Variants in ATF2 observed in about 807,000 individuals in gnomAD.
ATF2 encodes the protein activating transcription factor 2.
In ATF2, 24 loss-of-function variants were observed where a neutral mutation model predicts 60.6. The ratio of observed to expected loss-of-function variants is 0.40; its 90% CI spans 0.29 to 0.56. The LOEUF (loss-of-function observed/expected upper bound fraction) is 0.56. ATF2 is among the 20% of genes least tolerant of loss of function. The probability of loss-of-function intolerance (pLI) is 0.54; values close to 1 mark genes in which losing one functional copy is unlikely to be tolerated. For missense variants in ATF2, 433 were observed against 607.7 expected (o/e 0.71, Z 3.02); for synonymous variants, 206 against 215.4 (o/e 0.96, Z 0.38).
Position 175,108,321 on chromosome 2 carries a change from T to TG in ATF2, c.828+3246dup, listed in dbSNP as rs537531915. On this transcript the variant is annotated intron_variant, in intron 10 of 13. Coordinates refer to ENST00000264110, the MANE Select transcript of ATF2 (RefSeq NM_001880.4). ...GCAGCCACCCCGTCCGGGAGGGAGG[T>TG]GGGGGGTCAACCCCCGCCCGGCCAG... Among the ~76,000 whole-genome samples the TG allele has an allele frequency of 2.3e-3, 338 of 144,978 alleles. 4 individuals are homozygous for TG. The highest frequency in any genetic ancestry group is 0.02 in the East Asian group (95 of 4,666).
chr2:175,098,712 G>A (rs1274938931), intron 10 of ATF2, among the ~76,000 whole-genome samples: 1 of 152,186 alleles, frequency 6.6e-6, no homozygotes, highest in East Asian at 1.9e-4. Flanking sequence ...AGGGGTGAGT[G>A]AGAGAAGAGC....
At chr2:175,152,384 C>G (rs1009131999) in intron 1 of ATF2, among the ~76,000 whole-genome samples, 2 of 152,156 alleles carry the variant, frequency 1.3e-5, no homozygotes, top group African/African-American at 4.8e-5. Flanking sequence ...GGTAAACTCA[C>G]ATACTCAGTC....
At chr2:175,141,362 G>C (rs1427441763) in intron 2 of ATF2, among the ~76,000 whole-genome samples, 1 of 151,658 alleles carries the variant, frequency 6.6e-6, no homozygotes, top group African/African-American at 2.4e-5. Context: ...TACTGGCAGG[G>C]GCTTAATAAA....
At chr2:175,078,526 C>T (rs3845744) in intron 13 of ATF2, among the ~76,000 whole-genome samples, 115,766 of 152,158 alleles carry the variant, frequency 0.76, 46,254 homozygotes, top group Non-Finnish European at 0.88. Context: ...CATGGTTTTC[C>T]CACGACTGAG....
At position 175,161,343 on chromosome 2, in the gene ATF2, T is replaced by C. The variant is rs558030954; in HGVS notation, c.-143+6707A>G. Among the ~76,000 whole-genome samples the C allele has an allele frequency of 3.3e-5, 5 of 152,338 alleles. No individual in the cohort carries two copies. The South Asian group carries it at 8.3e-4, about 25-fold the overall frequency. On this transcript the variant is annotated intron_variant, in intron 1 of 13. Coordinates refer to ENST00000264110, the MANE Select transcript of ATF2 (RefSeq NM_001880.4). Reference sequence around the variant, plus strand: ...GCCTGGAGGGCTAGGCTAGATTATTTCTGAATGAACTTCAATAATAATTCC... The same window carrying C: ...GCCTGGAGGGCTAGGCTAGATTATTCCTGAATGAACTTCAATAATAATTCC...
intron 4 of ATF2, 60 bp from the exon 5 acceptor site, chr2:175,121,600 G>A: frequency 7.8e-7 from 1 of 1,287,326 alleles, no homozygotes; most frequent in South Asian, 1.3e-5. Flanking sequence ...TAAGTAAAAT[G>A]ATTAGGAAAT....
intron 5 of ATF2, among the ~76,000 whole-genome samples, chr2:175,119,122 G>T (rs1696779449): frequency 6.6e-6 from 1 of 151,554 alleles, no homozygotes; most frequent in African/African-American, 2.4e-5. Context: ...TAGGTACTCA[G>T]TGTCCATGTA....
intron 12 of ATF2, chr2:175,092,753 A>G: frequency 2.6e-6 from 1 of 388,686 alleles, no homozygotes; most frequent in Non-Finnish European, 4.7e-6. Context: ...TAACAGTGAT[A>G]TTTTTAAATT....
chr2:175,140,004 C>A (rs1479434914), intron 2 of ATF2, among the ~76,000 whole-genome samples: 1 of 152,012 alleles, frequency 6.6e-6, no homozygotes, highest in East Asian at 1.9e-4. Context: ...GTGTAAAAAG[C>A]AGAATAATAT....
intron 11 of ATF2, 59 bp from the exon 12 acceptor site, chr2:175,093,326 G>A (rs1344798188): frequency 3.8e-5 from 58 of 1,521,826 alleles, no homozygotes; most frequent in Middle Eastern, 3.4e-4. Context: ...AATTAACATA[G>A]GCAGTAAAGG....
rs540119873 is a variant in ATF2 at position 175,094,372 on chromosome 2, C to A, written c.979-1105G>T. On this transcript the variant is annotated intron_variant, in intron 11 of 13. Transcript: ENST00000264110. ...TAACACCACTGCACGCCAGCCTGGGCAATACAGCGAGACTCAGTCTCAAAA... is the reference window on the plus strand; with the variant it reads ...TAACACCACTGCACGCCAGCCTGGGAAATACAGCGAGACTCAGTCTCAAAA... Among the ~76,000 whole-genome samples the A allele has an allele frequency of 1.3e-3, 152 of 114,304 alleles. No individual in the cohort carries two copies. The Middle Eastern group carries it at 0.03, about 22-fold the overall frequency. 75.0% of individuals were successfully genotyped at this position (114,304 alleles called of 152,430 possible).
chr2:175,144,396 TAGAC>T (rs1357947524), intron 2 of ATF2, among the ~76,000 whole-genome samples: 4 of 152,160 alleles, frequency 2.6e-5, no homozygotes, highest in Admixed American at 6.5e-5. Context: ...CTAGAGTTAT[TAGAC>T]AGGCTCATTA....
At chr2:175,085,809 C>T (rs927096018) in intron 12 of ATF2, among the ~76,000 whole-genome samples, 3 of 152,036 alleles carry the variant, frequency 2.0e-5, no homozygotes, top group Non-Finnish European at 4.4e-5. Flanking sequence ...CTTGCTACAA[C>T]GTATATTTGT....
chr2:175,136,022 T>A (rs1020714056), intron 3 of ATF2, among the ~76,000 whole-genome samples: 1 of 150,436 alleles, frequency 6.6e-6, no homozygotes, highest in Admixed American at 6.6e-5. Context: ...TTTGTTTTTT[T>A]TTTTTTTTTT....
Position 175,102,575 on chromosome 2 carries a change from C to G in ATF2, c.829-4982G>C, listed in dbSNP as rs148261921. ...CTTGAGCCCAGGAGTTCCACACCAG[C>G]CTGGGCAATATGGTAAAACTCCATT... On this transcript the variant is annotated intron_variant, in intron 10 of 13. Coordinates refer to ENST00000264110, the MANE Select transcript of ATF2 (RefSeq NM_001880.4). Among the ~76,000 whole-genome samples the G allele has an allele frequency of 2.3e-3, 355 of 152,120 alleles. 2 individuals are homozygous for G. Among genetic ancestry groups the G allele is most frequent in the Middle Eastern group, 0.02 (6 of 294 alleles).
In ATF2 at chr2:175,114,907, A is replaced by G. The variant is rs1574406048; in HGVS notation, c.448-39T>C. 3 of 1,593,840 alleles carry G rather than the reference A, an allele frequency of 1.9e-6. No individual in the cohort carries two copies. The East Asian group carries it at 6.7e-5, about 36-fold the overall frequency. ...AGATAAAAAAGGGTGGCATTTAAAA[A>G]TACAAATCATGTACCTTAGTGAACA... On this transcript the variant is annotated intron_variant, in intron 7 of 13. Coordinates refer to ENST00000264110, the MANE Select transcript of ATF2 (RefSeq NM_001880.4).
In ATF2 at chr2:175,114,426, A is replaced by G. The variant is rs532505988; in HGVS notation, c.626+264T>C. 7.0e-5 allele frequency: 87 copies of G among 1,243,476 alleles called. No homozygotes were observed. The African/African-American group carries it at 1.2e-3, about 17-fold the overall frequency. 77.0% of individuals were successfully genotyped at this position (1,243,476 alleles called of 1,614,324 possible). On this transcript the variant is annotated intron_variant, in intron 8 of 13. Transcript: ENST00000264110. Reference sequence around the variant, plus strand: ...AGAAATGGAATCTGGTGATGCAGTAATTTTATATTTTGTGTGAAATAGCAT... The same window carrying G: ...AGAAATGGAATCTGGTGATGCAGTAGTTTTATATTTTGTGTGAAATAGCAT...
At chr2:175,161,707 T>C (rs1038185044) in intron 1 of ATF2, among the ~76,000 whole-genome samples, 1 of 152,084 alleles carries the variant, frequency 6.6e-6, no homozygotes, top group Admixed American at 6.6e-5. Context: ...TCTTAATAAA[T>C]CATAATGACA....
intron 9 of ATF2, 34 bp from the exon 10 acceptor site, chr2:175,111,688 G>A (rs1358610983): frequency 6.5e-7 from 1 of 1,547,610 alleles, no homozygotes; most frequent in Admixed American, 1.7e-5. Context: ...AATTGCTAGA[G>A]AATATATTCA....
Sources: allele counts gnomAD v4.1 joint callset (sites outside exome capture counted in the v4.1 genomes callset), GRCh38; gene constraint gnomAD v4.1.1; transcripts MANE v1.5; gene names NCBI Gene and HGNC (gene_info 2026-07-23, HGNC 2026-07-21).